Variants in DYNC2I1 observed in about 807,000 individuals in gnomAD.
DYNC2I1 encodes dynein 2 intermediate chain 1, also known as cytoplasmic dynein 2 intermediate chain 1.
In DYNC2I1, 89 loss-of-function variants were observed where a neutral mutation model predicts 133.4. The ratio of observed to expected loss-of-function variants is 0.67; its 90% CI spans 0.56 to 0.80. The LOEUF (loss-of-function observed/expected upper bound fraction) is 0.80, where lower values mean the gene tolerates loss of function less well. Among genes scored for constraint, DYNC2I1 ranks in the 30% least tolerant of loss-of-function variants. DYNC2I1 has a pLI of 0.00. For missense variants in DYNC2I1, 1,291 were observed against 1,314.5 expected (o/e 0.98, Z 0.28); for synonymous variants, 504 against 484.3 (o/e 1.04, Z -0.54).
chr7:158,905,943 G>A (rs1585104364), intron 10 of DYNC2I1, 46 bp from the exon 11 acceptor site: 6 of 1,482,292 alleles, frequency 4.0e-6, no homozygotes, highest in African/African-American at 1.4e-5. Flanking sequence ...TTGCTTGGAA[G>A]ACATATTTCC....
intron 23 of DYNC2I1, among the ~76,000 whole-genome samples, chr7:158,937,274 G>A (rs970762808): frequency 6.6e-6 from 1 of 152,218 alleles, no homozygotes; most frequent in Admixed American, 6.5e-5. Flanking sequence ...TAGGCTGTCA[G>A]CAGCAGAGTG....
chr7:158,922,617 G>A, intron 16 of DYNC2I1, 68 bp downstream of exon 16: 2 of 1,489,218 alleles, frequency 1.3e-6, no homozygotes, highest in Non-Finnish European at 1.8e-6. Context: ...TGAAGGTGCA[G>A]GTGGGGAGAG....
At chr7:158,855,264 T>C (rs946431726), upstream of DYNC2I1, among the ~76,000 whole-genome samples, 2 of 152,054 alleles carry the variant, frequency 1.3e-5, no homozygotes, top group Non-Finnish European at 2.9e-5. Context: ...GGAGTGCTGA[T>C]TGGTCAGAGA....
At position 158,942,081 on chromosome 7, in the gene DYNC2I1, A is replaced by G; in HGVS notation, c.2935A>G (p.Ile979Val). 1 of 1,610,138 alleles carries G rather than the reference A, an allele frequency of 6.2e-7. No individual in the cohort carries two copies. The highest frequency in any genetic ancestry group is 8.5e-7 in the Non-Finnish European group (1 of 1,177,816). The change falls in exon 24 of 25, where the codon ATC (isoleucine) becomes GTC (valine). Residue 979 changes from isoleucine (I) to valine (V), a missense_variant. By Grantham distance (29) the Ile-to-Val change is conservative (BLOSUM62 3). Transcript: ENST00000407559. ...CCTGGTGCAGGACGACACATCCAACATCTACATCTGGGACCTCCTCCAGAG... is the reference window on the plus strand; with the variant it reads ...CCTGGTGCAGGACGACACATCCAACGTCTACATCTGGGACCTCCTCCAGAG... Reference protein sequence around the residue: ...VFLVQDDTSNIYIWDLLQSDL... With the variant: ...VFLVQDDTSNVYIWDLLQSDL...
rs753464984 is a variant in DYNC2I1, at chr7:158,884,547, A to G, written c.880-17A>G. 13 of 1,608,422 alleles carry G rather than the reference A, an allele frequency of 8.1e-6. No homozygotes were observed. The highest frequency in any genetic ancestry group is 2.2e-5 in the South Asian group (2 of 89,924). The stretch of plus-strand genomic sequence containing the variant: ...TATGCTAATAAATGGTTATGGGATT[A>G]TATTTTTGTTTGATAGAATGGTGAA... On this transcript the variant is annotated splice_polypyrimidine_tract_variant and intron_variant, in intron 5 of 24. Transcript: ENST00000407559.
chr7:158,952,566 T>TA (rs34451570), intron 4 of DYNC2I1, among the ~76,000 whole-genome samples: 97,566 of 151,070 alleles, frequency 0.65, 31,838 homozygotes, highest in Non-Finnish European at 0.68. Flanking sequence ...ACTAGATACT[T>TA]AAAAAAATAT....
chr7:158,882,156 A>G (rs1406037736), intron 5 of DYNC2I1, among the ~76,000 whole-genome samples: 4 of 152,208 alleles, frequency 2.6e-5, no homozygotes, highest in African/African-American at 7.2e-5. Context: ...AGCTGTTCCT[A>G]TCTGAGTGGC....
At chr7:158,891,355 A>C in intron 8 of DYNC2I1, 22 bp downstream of exon 8, 1 of 1,613,960 alleles carries the variant, frequency 6.2e-7, no homozygotes, top group Non-Finnish European at 8.5e-7. Flanking sequence ...ACGTCTTCTT[A>C]TAGTTTGCAA....
chr7:158,893,396 G>A (rs1408301796), intron 8 of DYNC2I1, among the ~76,000 whole-genome samples: 2 of 152,134 alleles, frequency 1.3e-5, no homozygotes, highest in South Asian at 2.1e-4. Flanking sequence ...TTGAAAATGC[G>A]TTTAATATGC....
intron 21 of DYNC2I1, 78 bp from the exon 22 acceptor site, chr7:158,934,051 C>A: frequency 1.0e-6 from 1 of 993,606 alleles, no homozygotes; most frequent in Admixed American, 2.3e-5. Context: ...TATTGTAGTG[C>A]AAATCAGTGT....
rs190326188 is a variant in DYNC2I1, at chr7:158,925,807, G to A, written c.2258-380G>A. Among the ~76,000 whole-genome samples the A allele has an allele frequency of 8.7e-4, 132 of 152,258 alleles. 1 individual carries two copies. Among genetic ancestry groups the A allele is most frequent in the African/African-American group, 2.9e-3 (121 of 41,554 alleles). ...CGGCCGTGCTGCTCCGACCTCCTCT[G>A]CCTCCCAGCTCCTTCCCCTCAGTTG... On this transcript the variant is annotated intron_variant, in intron 17 of 24. Coordinates refer to ENST00000407559, the MANE Select transcript of DYNC2I1 (RefSeq NM_018051.5).
downstream of DYNC2I1, among the ~76,000 whole-genome samples, chr7:158,947,230 C>G (rs767296685): frequency 6.6e-6 from 1 of 152,144 alleles, no homozygotes; most frequent in African/African-American, 2.4e-5. Context: ...TCTGCATCTT[C>G]GCGGAACCCA....
chr7:158,915,953 AC>A (rs1848186219), intron 14 of DYNC2I1, among the ~76,000 whole-genome samples: 1 of 133,156 alleles, frequency 7.5e-6, no homozygotes, highest in Non-Finnish European at 1.6e-5. Context: ...TGAAACGTTG[AC>A]ACAGTGGTTG....
At chr7:158,919,158 G>A (rs1848764700) in intron 15 of DYNC2I1, among the ~76,000 whole-genome samples, 1 of 152,176 alleles carries the variant, frequency 6.6e-6, no homozygotes, top group Non-Finnish European at 1.5e-5. Context: ...CTATGTGTTT[G>A]AAATCCTGTT....
chr7:158,945,259 C>T lies in DYNC2I1; in HGVS notation c.3003-322C>T, dbSNP rs1459252114. 6.6e-6 allele frequency among the ~76,000 whole-genome samples: 1 copy of T among 152,070 alleles called. No homozygotes were observed. Among genetic ancestry groups the T allele is most frequent in the Non-Finnish European group, 1.5e-5 (1 of 68,008 alleles). Reference sequence around the variant, plus strand: ...GAGGCTGGAGACCAAGGACGAGGCTCTGATAGATGGGCCTGCCTGTGCTGC... The same window carrying T: ...GAGGCTGGAGACCAAGGACGAGGCTTTGATAGATGGGCCTGCCTGTGCTGC... On this transcript the variant is annotated intron_variant, in intron 24 of 24. Coordinates refer to ENST00000407559, the MANE Select transcript of DYNC2I1 (RefSeq NM_018051.5). The surrounding 1 kb of genome is among the most constrained non-coding windows in gnomAD (Gnocchi z 4.1).
chr7:158,908,172 T>C (rs147700758), intron 11 of DYNC2I1, among the ~76,000 whole-genome samples: 95 of 152,132 alleles, frequency 6.2e-4, no homozygotes, highest in Non-Finnish European at 1.1e-3. Context: ...GGAAATAGTA[T>C]AGAGGCACTT....
At chr7:158,880,022 C>G in intron 5 of DYNC2I1, 33 bp downstream of exon 5, 1 of 1,548,794 alleles carries the variant, frequency 6.5e-7, no homozygotes, top group Non-Finnish European at 8.7e-7. Flanking sequence ...GCCTTAGCAG[C>G]CGCCCCGAGG....
chr7:158,852,231 C>T (rs1017022554), upstream of DYNC2I1, among the ~76,000 whole-genome samples: 6 of 152,050 alleles, frequency 3.9e-5, no homozygotes, highest in East Asian at 3.9e-4. Context: ...AAGCGATTCT[C>T]CTGCCTCAGC....
At chr7:158,898,142 G>C (rs907634042) in intron 8 of DYNC2I1, among the ~76,000 whole-genome samples, 38 of 152,308 alleles carry the variant, frequency 2.5e-4, no homozygotes, top group Non-Finnish European at 5.1e-4. Flanking sequence ...GTTAAGGTAT[G>C]TTTTATGGCC....
Sources: gnomAD v4.1 joint callset for allele counts (sites outside exome capture counted in the v4.1 genomes callset) on GRCh38, gnomAD v4.1.1 for gene constraint, Gnocchi (gnomAD v3.1) non-coding constraint, MANE v1.5 for transcripts, NCBI Gene and HGNC (gene_info 2026-07-23, HGNC 2026-07-21) for gene names.